Variants in ACTG2 observed in about 807,000 individuals in gnomAD.
ACTG2 encodes the protein actin, gamma-enteric smooth muscle.
Under a neutral mutation model 37.6 loss-of-function variants are expected in ACTG2, and 16 were observed. The ratio of observed to expected loss-of-function variants is 0.43; its 90% CI spans 0.29 to 0.65. The LOEUF (loss-of-function observed/expected upper bound fraction) is 0.65. ACTG2 is among the 30% of genes least tolerant of loss of function. ACTG2 has a pLI of 0.18. For missense variants in ACTG2, 238 were observed against 490.9 expected, an observed-to-expected ratio of 0.48 and a Z score of 4.87; for synonymous variants, 181 against 179.9, an observed-to-expected ratio of 1.01 and a Z score of -0.05.
In ACTG2 at chr2:73,901,422, C is replaced by A; in HGVS notation, c.111C>A (p.Gly37=). 3.7e-6 allele frequency: 6 copies of A among 1,614,074 alleles called. No individual in the cohort carries two copies. Among genetic ancestry groups the A allele is most frequent in the East Asian group, 2.2e-5 (1 of 44,872 alleles). The change falls in exon 2 of 9, where the codon GGC becomes GGA. Residue 37 remains glycine, a synonymous_variant. Coordinates refer to ENST00000345517, the MANE Select transcript of ACTG2 (RefSeq NM_001615.4). ...GGGCTGTCTTCCCCTCCATTGTGGGCCGCCCTCGCCACCAGGTGCGTGCTC... is the reference window on the plus strand; with the variant it reads ...GGGCTGTCTTCCCCTCCATTGTGGGACGCCCTCGCCACCAGGTGCGTGCTC... ...APRAVFPSIV[G]RPRHQGVMVG...
Position 73,919,506 on chromosome 2 carries a change from G to A in ACTG2, c.1062G>A (p.Gln354=), listed in dbSNP as rs779828850. 3 of 1,614,144 alleles carry A rather than the reference G, an allele frequency of 1.9e-6. No homozygotes were observed. Among genetic ancestry groups the A allele is most frequent in the South Asian group, 1.1e-5 (1 of 91,086 alleles). ...TCCTGGCCTCTCTCTCCACCTTCCA[G>A]CAGATGTGGATCAGCAAGCCTGAGT... ...GSILASLSTF[Q]QMWISKPEYD... The change falls in exon 9 of 9, where the codon CAG becomes CAA. Residue 354 remains glutamine (Q), a synonymous_variant. Transcript: ENST00000345517.
At chr2:73,901,528 G>T in intron 2 of ACTG2, 91 bp downstream of exon 2, 2 of 1,329,106 alleles carry the variant, frequency 1.5e-6, no homozygotes, top group East Asian at 3.0e-5. Flanking sequence ...GTTAGGGGAA[G>T]GAAATGTGTG....
At position 73,916,655 on chromosome 2, in the gene ACTG2, G is replaced by C. The variant is rs1680275340; in HGVS notation, c.877G>C (p.Asp293His). The C allele has an allele frequency of 1.2e-6, 2 of 1,614,004 alleles. No individual in the cohort carries two copies. The highest frequency in any genetic ancestry group is 1.7e-6 in the Non-Finnish European group (2 of 1,180,040). Residue 293 changes from aspartate to histidine, a missense_variant, in exon 8 of 9, where the codon GAC (aspartate) becomes CAC (histidine). By Grantham distance (81) the Asp-to-His change is moderately conservative. Coordinates refer to ENST00000345517, the MANE Select transcript of ACTG2 (RefSeq NM_001615.4). ...GAAGTGTGACATTGACATCCGTAAGGACTTATATGCCAACAATGTCCTCTC... is the reference window on the plus strand; with the variant it reads ...GAAGTGTGACATTGACATCCGTAAGCACTTATATGCCAACAATGTCCTCTC... The part of the protein sequence containing the change: ...IMKCDIDIRK[D>H]LYANNVLSGG...
Position 73,908,681 on chromosome 2 carries a change from C to G in ACTG2, c.264C>G (p.His88Gln). Reference protein sequence around the residue: ...TNWDDMEKIWHHSFYNELRVA... With the variant: ...TNWDDMEKIWQHSFYNELRVA... ...GCTTTTGTCTCCACTAGATCTGGCA[C>G]CACTCCTTCTACAATGAGCTGCGTG... Residue 88 changes from histidine (H) to glutamine (Q), a missense_variant, in exon 4 of 9, where the codon CAC becomes CAG. Coordinates refer to ENST00000345517, the MANE Select transcript of ACTG2 (RefSeq NM_001615.4). 6.2e-7 allele frequency: 1 copy of G among 1,604,906 alleles called. No homozygotes were observed. Among genetic ancestry groups the G allele is most frequent in the Non-Finnish European group, 8.5e-7 (1 of 1,175,902 alleles).
intron 5 of ACTG2, among the ~76,000 whole-genome samples, chr2:73,912,252 G>A (rs1680154973): frequency 6.6e-6 from 1 of 152,106 alleles, no homozygotes; most frequent in Admixed American, 6.5e-5. Flanking sequence ...CCACCTCCCG[G>A]GTTCAAGCGA....
At chr2:73,915,995 A>G (rs540975061) in intron 7 of ACTG2, among the ~76,000 whole-genome samples, 2 of 152,354 alleles carry the variant, frequency 1.3e-5, no homozygotes, top group East Asian at 3.9e-4. Flanking sequence ...GGATATACTG[A>G]AAATGACTGA....
At chr2:73,896,490 A>G (rs1286907014) in intron 1 of ACTG2, among the ~76,000 whole-genome samples, 1 of 152,110 alleles carries the variant, frequency 6.6e-6, no homozygotes, top group Admixed American at 6.6e-5. Flanking sequence ...TATCATTTCC[A>G]TGTTCTAGCG....
chr2:73,919,634 A>G lies in ACTG2; in HGVS notation c.*59A>G. On this transcript the variant is annotated 3_prime_UTR_variant, in exon 9 of 9. Coordinates refer to ENST00000345517, the MANE Select transcript of ACTG2 (RefSeq NM_001615.4). Reference sequence around the variant, plus strand: ...ACTACTCTGTTACCAGTCATGAAACATTAAAACCTACAAGCCTTACTTCTC... The same window carrying G: ...ACTACTCTGTTACCAGTCATGAAACGTTAAAACCTACAAGCCTTACTTCTC... 1 of 1,570,148 alleles carries G rather than the reference A, an allele frequency of 6.4e-7. No individual in the cohort carries two copies.
intron 4 of ACTG2, 63 bp downstream of exon 4, chr2:73,908,846 C>A (rs754798245): frequency 2.8e-6 from 4 of 1,421,210 alleles, no homozygotes; most frequent in Non-Finnish European, 2.0e-6. Context: ...TGGCCAGATA[C>A]TTTCTCCCCT....
Position 73,919,680 on chromosome 2 carries a change from T to C in ACTG2, c.*105T>C, listed in dbSNP as rs1489856418. 1 of 1,334,390 alleles carries C rather than the reference T, an allele frequency of 7.5e-7. No homozygotes were observed. The highest frequency in any genetic ancestry group is 1.5e-5 in the African/African-American group (1 of 67,964). The allele number at this position is 1,334,390 out of a possible 1,614,324, so 82.7% of individuals were successfully genotyped here. A position where few individuals can be genotyped will look rare whatever the true frequency, so the allele number is the denominator to read the frequency against. Reference sequence around the variant, plus strand: ...TTCTCTGTGTGGGGCTCTTTTTTCCTGGGCTATGTCTCATACACAGTGCTA... The same window carrying C: ...TTCTCTGTGTGGGGCTCTTTTTTCCCGGGCTATGTCTCATACACAGTGCTA... On this transcript the variant is annotated 3_prime_UTR_variant, in exon 9 of 9. Transcript: ENST00000345517.
chr2:73,907,149 T>A (rs58014500), intron 3 of ACTG2, among the ~76,000 whole-genome samples: 4,264 of 152,310 alleles, frequency 0.028, 181 homozygotes, highest in African/African-American at 0.097. Flanking sequence ...ACCTCTTCTT[T>A]CACTTAAAAT....
intron 3 of ACTG2, among the ~76,000 whole-genome samples, chr2:73,907,577 G>A (rs960054695): frequency 1.3e-5 from 2 of 152,152 alleles, no homozygotes; most frequent in African/African-American, 4.8e-5. Context: ...GACCTCCTGG[G>A]CTCAAGCGAT....
chr2:73,913,723 G>A (rs1680194645), intron 6 of ACTG2, 77 bp downstream of exon 6: 11 of 1,303,058 alleles, frequency 8.4e-6, no homozygotes, highest in East Asian at 7.1e-5. Flanking sequence ...CAGGACCAAT[G>A]AGAATTCTGT....
At chr2:73,896,039 G>A (rs1333981420) in intron 1 of ACTG2, among the ~76,000 whole-genome samples, 7 of 152,016 alleles carry the variant, frequency 4.6e-5, no homozygotes, top group African/African-American at 7.2e-5. Flanking sequence ...TTTCTCAACC[G>A]TTTGAAAATG....
Position 73,912,251 on chromosome 2 carries a change from G to A in ACTG2, c.452-1234G>A, listed in dbSNP as rs150764373. On this transcript the variant is annotated intron_variant, in intron 5 of 8. Transcript: ENST00000345517. The stretch of plus-strand genomic sequence containing the variant: ...CAGCACACCACAACCTCCACCTCCC[G>A]GGTTCAAGCGATTCTCCTGCCTCAG... 8.4e-3 allele frequency among the ~76,000 whole-genome samples: 1,279 copies of A among 152,162 alleles called. 10 individuals are homozygous for A. Among genetic ancestry groups the A allele is most frequent in the African/African-American group, 0.028 (1,167 of 41,510 alleles).
intron 8 of ACTG2, among the ~76,000 whole-genome samples, chr2:73,918,216 G>A (rs1293536734): frequency 6.6e-6 from 1 of 152,190 alleles, no homozygotes; most frequent in Non-Finnish European, 1.5e-5. Context: ...TTTGTTATAG[G>A]GGAACTGGGG....
chr2:73,914,754 A>T lies in ACTG2; in HGVS notation c.688A>T (p.Thr230Ser). The T allele has an allele frequency of 6.2e-7, 1 of 1,612,934 alleles. No homozygotes were observed. The highest frequency in any genetic ancestry group is 8.5e-7 in the Non-Finnish European group (1 of 1,179,396). Residue 230 changes from threonine to serine, a missense_variant, in exon 7 of 9, where the codon ACA becomes TCA. Coordinates refer to ENST00000345517, the MANE Select transcript of ACTG2 (RefSeq NM_001615.4). The part of the protein sequence containing the change: ...VALDFENEMA[T>S]AASSSSLEKS... ...CCTGGATTTTGAGAATGAGATGGCC[A>T]CAGCAGCTTCCTCTTCCTCCCTGGA...
intron 6 of ACTG2, 94 bp downstream of exon 6, chr2:73,913,740 G>A: frequency 8.5e-7 from 1 of 1,171,894 alleles, no homozygotes; most frequent in Non-Finnish European, 1.2e-6. Context: ...CTGTGACTCT[G>A]TGTCTTTAAA....
chr2:73,908,474 G>C, intron 3 of ACTG2, 199 bp from the exon 4 acceptor site: 1 of 646,008 alleles, frequency 1.5e-6, no homozygotes, highest in Non-Finnish European at 2.9e-6. Context: ...TTCCAGGTCT[G>C]AGTCCTACCT....
Sources: gnomAD v4.1 joint callset for allele counts (sites outside exome capture counted in the v4.1 genomes callset) on GRCh38, gnomAD v4.1.1 for gene constraint, MANE v1.5 for transcripts, NCBI Gene and HGNC (gene_info 2026-07-23, HGNC 2026-07-21) for gene names.